Variants in PTPN13 observed in about 807,000 individuals in gnomAD.
The protein encoded by PTPN13 is tyrosine-protein phosphatase non-receptor type 13.
Under a neutral mutation model 284.0 loss-of-function variants are expected in PTPN13, and 191 were observed. That is an observed-to-expected ratio of 0.67 (90% CI 0.60 to 0.76). The LOEUF (loss-of-function observed/expected upper bound fraction) is 0.76. PTPN13 is among the 30% of genes least tolerant of loss of function. The probability of loss-of-function intolerance (pLI) is 0.00; values close to 1 mark genes in which losing one functional copy is unlikely to be tolerated. For missense variants in PTPN13, 2,797 were observed against 2,939.9 expected, an observed-to-expected ratio of 0.95 and a Z score of 1.12; for synonymous variants, 986 against 1,022.3, an observed-to-expected ratio of 0.96 and a Z score of 0.68.
intron 40 of PTPN13, among the ~76,000 whole-genome samples, chr4:86,791,698 G>T (rs1742690846): frequency 6.6e-6 from 1 of 152,172 alleles, no homozygotes; most frequent in African/African-American, 2.4e-5. Flanking sequence ...AGCCTCCGCT[G>T]GTGATACCCA....
chr4:86,604,055 T>TG lies in PTPN13; in HGVS notation c.-6+9267dup, dbSNP rs570796967. Among the ~76,000 whole-genome samples, 6 of 152,186 alleles carry TG rather than the reference T, an allele frequency of 3.9e-5. No homozygotes were observed. In the South Asian group the frequency reaches 1.2e-3, roughly 32 times the overall value. ...ATGTCTACTTATATTCATTCTTAAG[T>TG]GTTTAGCTTTTGTGAAAACTGAATT... is the stretch of plus-strand genomic sequence containing the variant. On this transcript the variant is annotated intron_variant, in intron 1 of 47. Transcript: ENST00000411767.
chr4:86,620,423 G>A (rs936034660), intron 1 of PTPN13, among the ~76,000 whole-genome samples: 1 of 152,178 alleles, frequency 6.6e-6, no homozygotes. Context: ...TCTCCCCAAA[G>A]TGCTGGGATT....
chr4:86,610,443 T>C (rs1765162972), intron 1 of PTPN13, among the ~76,000 whole-genome samples: 1 of 152,202 alleles, frequency 6.6e-6, no homozygotes, highest in African/African-American at 2.4e-5. Context: ...AATATTATTA[T>C]ACATAGCCTA....
chr4:86,656,958 G>C (rs916355412), intron 2 of PTPN13, among the ~76,000 whole-genome samples: 1 of 152,206 alleles, frequency 6.6e-6, no homozygotes. Context: ...CTGCCGCCTT[G>C]CAGTTTGATC....
chr4:86,650,029 C>T (rs6829466), intron 2 of PTPN13, among the ~76,000 whole-genome samples: 105,698 of 152,092 alleles, frequency 0.69, 41,504 homozygotes, highest in East Asian at 0.88. Context: ...TCTCTCACCC[C>T]GGCTGGAGTC....
At chr4:86,696,125 C>A (rs1276337486) in intron 6 of PTPN13, among the ~76,000 whole-genome samples, 1 of 151,790 alleles carries the variant, frequency 6.6e-6, no homozygotes, top group Non-Finnish European at 1.5e-5. Flanking sequence ...TGAGTCTATA[C>A]CTACTTGATA....
At chr4:86,712,842 GA>G (rs1489200212) in intron 7 of PTPN13, among the ~76,000 whole-genome samples, 1 of 151,818 alleles carries the variant, frequency 6.6e-6, no homozygotes, top group African/African-American at 2.4e-5. Context: ...CCCAGAGATT[GA>G]AAAAAGTTTA....
rs910893651 is a variant in PTPN13 at position 86,656,436 on chromosome 4, C to T, written c.116-15929C>T. ...TGGGGTTTTGGTGTGGATGTCCTTT[C>T]TGTTTGTTAGTTTTCCTTCTAACAG... On this transcript the variant is annotated intron_variant, in intron 2 of 47. Transcript: ENST00000411767. 3.3e-5 allele frequency among the ~76,000 whole-genome samples: 5 copies of T among 152,160 alleles called. 1 individual carries two copies. The highest frequency in any genetic ancestry group is 1.3e-4 in the Admixed American group (2 of 15,270).
At position 86,622,920 on chromosome 4, in the gene PTPN13, C is replaced by T. The variant is rs183227950; in HGVS notation, c.-5-12332C>T. 9.2e-5 allele frequency among the ~76,000 whole-genome samples: 14 copies of T among 152,296 alleles called. No homozygotes were observed. The East Asian group carries it at 2.7e-3, about 29-fold the overall frequency. On this transcript the variant is annotated intron_variant, in intron 1 of 47. Transcript: ENST00000411767. ...ACAAAATCAAACTCTGAAACTTTCC[C>T]TCCAAACCAACTCCTTTCACAGGCT...
intron 47 of PTPN13, among the ~76,000 whole-genome samples, chr4:86,812,949 C>G (rs987946089): frequency 6.6e-6 from 1 of 151,892 alleles, no homozygotes; most frequent in Middle Eastern, 3.2e-3. Context: ...GTGGCTACAG[C>G]TGGAGTGGTA....
chr4:86,734,103 G>A (rs541594083), intron 12 of PTPN13, among the ~76,000 whole-genome samples, 200 bp from the exon 13 acceptor site: 10 of 152,162 alleles, frequency 6.6e-5, no homozygotes, highest in Admixed American at 2.6e-4. Flanking sequence ...CTTTAGAGCC[G>A]CCATTCTTAA....
At chr4:86,615,542 A>G (rs1044857488) in intron 1 of PTPN13, among the ~76,000 whole-genome samples, 1 of 152,136 alleles carries the variant, frequency 6.6e-6, no homozygotes, top group Non-Finnish European at 1.5e-5. Flanking sequence ...CGTTCATTAT[A>G]GCATTTTACA....
chr4:86,640,376 G>T (rs1056439786), intron 2 of PTPN13, among the ~76,000 whole-genome samples: 2 of 152,154 alleles, frequency 1.3e-5, no homozygotes, highest in Non-Finnish European at 2.9e-5. Context: ...CTCCAAAGGT[G>T]TTATTGAAGG....
At chr4:86,813,380 A>G (rs184497138) in intron 47 of PTPN13, among the ~76,000 whole-genome samples, 59 of 152,312 alleles carry the variant, frequency 3.9e-4, no homozygotes, top group African/African-American at 1.4e-3. Flanking sequence ...AAAGGAGTTC[A>G]TTTTCAAAGA....
chr4:86,800,726 G>T (rs555088058), intron 42 of PTPN13, among the ~76,000 whole-genome samples: 148 of 151,966 alleles, frequency 9.7e-4, no homozygotes, highest in Middle Eastern at 3.4e-3. Flanking sequence ...GAGGGAGGAA[G>T]GAAGGAAGGG....
intron 10 of PTPN13, among the ~76,000 whole-genome samples, chr4:86,730,582 C>T (rs527509843): frequency 6.7e-6 from 1 of 150,084 alleles, no homozygotes; most frequent in East Asian, 1.9e-4. Flanking sequence ...TAGCAGTGAG[C>T]AAGGCTTCGT....
Position 86,722,426 on chromosome 4 carries a change from A to C in PTPN13, c.1600A>C (p.Lys534Gln). 5 of 1,611,052 alleles carry C rather than the reference A, an allele frequency of 3.1e-6. No individual in the cohort carries two copies. The highest frequency in any genetic ancestry group is 3.4e-6 in the Non-Finnish European group (4 of 1,177,332). Reference sequence around the variant, plus strand: ...CCTAGAAACAGCCATGACTCAAAGAAAACTGAGGGTAAGTTGATTCTCAGG... The same window carrying C: ...CCTAGAAACAGCCATGACTCAAAGACAACTGAGGGTAAGTTGATTCTCAGG... ...IALETAMTQR[K>Q]LRNFFGPEFV... The change falls in exon 10 of 48, where the codon AAA (lysine) becomes CAA (glutamine). Residue 534 changes from lysine (K) to glutamine (Q), a missense_variant. Transcript: ENST00000411767.
At chr4:86,629,523 G>A (rs1039706830) in intron 1 of PTPN13, among the ~76,000 whole-genome samples, 5 of 152,102 alleles carry the variant, frequency 3.3e-5, no homozygotes, top group Admixed American at 6.6e-5. Flanking sequence ...TTTTTTAACA[G>A]TTCTTTCTTT....
chr4:86,796,971 A>ATCTG, intron 41 of PTPN13, 42 bp downstream of exon 41: 1 of 1,155,926 alleles, frequency 8.7e-7, no homozygotes, highest in Non-Finnish European at 1.3e-6. Flanking sequence ...GCTTCTGTCT[A>ATCTG]TCTATAAATG....
Sources: allele counts gnomAD v4.1 joint callset (sites outside exome capture counted in the v4.1 genomes callset), GRCh38; gene constraint gnomAD v4.1.1; transcripts MANE v1.5; gene names NCBI Gene and HGNC (gene_info 2026-07-23, HGNC 2026-07-21).